Variants in OSMR observed in about 807,000 individuals in gnomAD.
The protein encoded by OSMR is oncostatin M receptor, also known as oncostatin-M-specific receptor subunit beta.
A neutral mutation model predicts 99.9 loss-of-function variants in OSMR; 81 were observed. The observed-to-expected ratio is 0.81, with a 90% CI of 0.68 to 0.97. The LOEUF is 0.97. Ranked by LOEUF, OSMR falls within the 50% of genes least tolerant of loss-of-function variation. The pLI is 0.00. For missense variants in OSMR, 1,099 were observed against 1,153.4 expected, an observed-to-expected ratio of 0.95 and a Z score of 0.68; for synonymous variants, 406 against 410.4, an observed-to-expected ratio of 0.99 and a Z score of 0.13.
At chr5:38,882,074 A>G (rs1275892473) in intron 4 of OSMR, among the ~76,000 whole-genome samples, 1 of 152,244 alleles carries the variant, frequency 6.6e-6, no homozygotes, top group South Asian at 2.1e-4. Context: ...TAAATTGTAC[A>G]TATGTATTTA....
intron 2 of OSMR, among the ~76,000 whole-genome samples, chr5:38,873,750 T>C (rs531818885): frequency 3.3e-5 from 5 of 152,344 alleles, no homozygotes; most frequent in Admixed American, 3.3e-4. Flanking sequence ...ATATTGAACA[T>C]CTTTTCATGT....
At chr5:38,862,323 T>C (rs2937443) in intron 1 of OSMR, among the ~76,000 whole-genome samples, 27,899 of 39,418 alleles carry the variant, frequency 0.71, 10,095 homozygotes, top group African/African-American at 0.79. Context: ...CCGGACGGGG[T>C]GGCTGGCCGG....
At chr5:38,873,615 C>T (rs2112285427) in intron 2 of OSMR, among the ~76,000 whole-genome samples, 1 of 152,218 alleles carries the variant, frequency 6.6e-6, no homozygotes, top group East Asian at 1.9e-4. Context: ...TGTACAGGGG[C>T]TGTAATTTCT....
Position 38,881,693 on chromosome 5 carries a change from G to A in OSMR, c.347G>A (p.Ser116Asn). 1 of 1,614,222 alleles carries A rather than the reference G, an allele frequency of 6.2e-7. No individual in the cohort carries two copies. The highest frequency in any genetic ancestry group is 8.5e-7 in the Non-Finnish European group (1 of 1,180,040). ...GCCACACACTTTGTAAGAATAAAGA[G>A]TTTGGTGGACGATGCCAAGTTCCCT... is the stretch of plus-strand genomic sequence containing the variant. ...ECATHFVRIK[S>N]LVDDAKFPEP... Residue 116 changes from serine to asparagine, a missense_variant, in exon 4 of 18, where the codon AGT becomes AAT. Ser to Asn is a conservative substitution (Grantham distance 46, BLOSUM62 1). Transcript: ENST00000274276.
intron 2 of OSMR, chr5:38,944,775 T>C (rs1363195479): frequency 1.1e-6 from 1 of 896,660 alleles, no homozygotes; most frequent in Non-Finnish European, 1.8e-6. Context: ...TAATTAACAG[T>C]GTTAAATTGC....
At chr5:38,938,715 C>T, downstream of OSMR, 1 of 232,672 alleles carries the variant, frequency 4.3e-6, no homozygotes, top group Non-Finnish European at 8.5e-6. Flanking sequence ...TTTCAGTGTT[C>T]TTTGATAAGC....
At chr5:38,877,440 A>G (rs895859583) in intron 3 of OSMR, among the ~76,000 whole-genome samples, 7 of 152,216 alleles carry the variant, frequency 4.6e-5, no homozygotes, top group Admixed American at 4.6e-4. Context: ...TCTACCTCTC[A>G]AAGGGCAGTT....
intron 15 of OSMR, among the ~76,000 whole-genome samples, chr5:38,928,411 G>A (rs1207403707): frequency 1.3e-5 from 2 of 152,144 alleles, no homozygotes; most frequent in South Asian, 2.1e-4. Flanking sequence ...AGTGGCTCAC[G>A]GTTCTGCATG....
intron 7 of OSMR, among the ~76,000 whole-genome samples, chr5:38,900,721 G>C (rs1048500078): frequency 1.3e-5 from 2 of 152,140 alleles, no homozygotes; most frequent in Non-Finnish European, 2.9e-5. Context: ...TCAGTGTAAG[G>C]CTGGATAATC....
chr5:38,908,812 GC>G (rs900817316), intron 9 of OSMR, among the ~76,000 whole-genome samples: 2 of 152,154 alleles, frequency 1.3e-5, no homozygotes, highest in African/African-American at 4.8e-5. Flanking sequence ...AGGAACATCA[GC>G]CCACACAGAT....
intron 1 of OSMR, among the ~76,000 whole-genome samples, chr5:38,865,950 G>C (rs1388004000): frequency 6.6e-6 from 1 of 152,214 alleles, no homozygotes; most frequent in Non-Finnish European, 1.5e-5. Context: ...GGTGGGTTCT[G>C]GTGGCAGTGA....
At chr5:38,931,641 A>C in intron 15 of OSMR, 1 of 226,658 alleles carries the variant, frequency 4.4e-6, no homozygotes, top group Non-Finnish European at 7.3e-6. Flanking sequence ...ATCTATCAGA[A>C]GAGATAGATA....
intron 2 of OSMR, among the ~76,000 whole-genome samples, chr5:38,871,434 G>T (rs555102968): frequency 6.6e-6 from 1 of 152,126 alleles, no homozygotes; most frequent in Non-Finnish European, 1.5e-5. Context: ...TGTACTATTT[G>T]GATTTCTTGT....
At chr5:38,889,902 A>G (rs1744040262) in intron 7 of OSMR, among the ~76,000 whole-genome samples, 1 of 152,176 alleles carries the variant, frequency 6.6e-6, no homozygotes, top group African/African-American at 2.4e-5. Context: ...TAGTTCACAA[A>G]TAAAATATTT....
At chr5:38,919,421 T>A in intron 11 of OSMR, 1 of 1,137,508 alleles carries the variant, frequency 8.8e-7, no homozygotes, top group Non-Finnish European at 1.2e-6. Flanking sequence ...GAATTGCATT[T>A]ACTATTTTGT....
rs377315170 is a variant in OSMR, at chr5:38,861,819, G to A, written c.-13-7213G>A. Among the ~76,000 whole-genome samples, 106 of 147,432 alleles carry A rather than the reference G, an allele frequency of 7.2e-4. 1 individual carries two copies. In the East Asian group the frequency reaches 0.014, roughly 20 times the overall value. On this transcript the variant is annotated intron_variant, in intron 1 of 17. Transcript: ENST00000274276. ...GGGCTCCTCACCTCCCAGTAGGGGC[G>A]GCTGGGCAGAGGCGCCCCTCACCTC...
chr5:38,886,205 G>A lies in OSMR; in HGVS notation c.991+15G>A. 1 of 1,614,078 alleles carries A rather than the reference G, an allele frequency of 6.2e-7. No individual in the cohort carries two copies. Among genetic ancestry groups the A allele is most frequent in the East Asian group, 2.2e-5 (1 of 44,888 alleles). On this transcript the variant is annotated intron_variant, in intron 7 of 17. Coordinates refer to ENST00000274276, the MANE Select transcript of OSMR (RefSeq NM_003999.3). Reference sequence around the variant, plus strand: ...GACTCATCGAGGTGAGACTAGAGTTGTCACAGCCCACCGTGGCCACTAACG... The same window carrying A: ...GACTCATCGAGGTGAGACTAGAGTTATCACAGCCCACCGTGGCCACTAACG...
chr5:38,941,348 C>T (rs1049846427), intron 1 of OSMR: 1 of 231,498 alleles, frequency 4.3e-6, no homozygotes, highest in Admixed American at 5.6e-5. Context: ...AAATATGGCT[C>T]TTCTTTCCCC....
chr5:38,884,049 A>G lies in OSMR; in HGVS notation c.641A>G (p.Tyr214Cys), dbSNP rs146887040. 1.5e-3 allele frequency: 2,429 copies of G among 1,614,064 alleles called. 3 individuals are homozygous for G. Among genetic ancestry groups the G allele is most frequent in the Non-Finnish European group, 1.9e-3 (2,298 of 1,179,898 alleles). The change falls in exon 5 of 18, where the codon TAT becomes TGT. Residue 214 changes from tyrosine to cysteine, a missense_variant. Transcript: ENST00000274276. ...ATTAGGAATAAAGGGACAAATATCT[A>G]TTGTGAGGCAAGTCAAGGAAATGTC... Reference protein sequence around the residue: ...PFIRNKGTNIYCEASQGNVSE... With the variant: ...PFIRNKGTNICCEASQGNVSE...
Sources: allele counts gnomAD v4.1 joint callset (sites outside exome capture counted in the v4.1 genomes callset), GRCh38; gene constraint gnomAD v4.1.1; transcripts MANE v1.5; gene names NCBI Gene and HGNC (gene_info 2026-07-23, HGNC 2026-07-21).